Variants in TBC1D32 observed in about 807,000 individuals in gnomAD.
TBC1D32 encodes TBC1 domain family member 32, also known as protein broad-minded.
Under a neutral mutation model 170.3 loss-of-function variants are expected in TBC1D32, and 151 were observed. That is an observed-to-expected ratio of 0.89 (90% CI 0.78 to 1.01). The LOEUF (loss-of-function observed/expected upper bound fraction) is 1.01. Ranked by LOEUF, TBC1D32 falls within the 50% of genes least tolerant of loss-of-function variation. TBC1D32 has a pLI of 0.00. For missense variants in TBC1D32, 1,464 were observed against 1,457.1 expected, an observed-to-expected ratio of 1.00 and a Z score of -0.08; for synonymous variants, 498 against 488.0, an observed-to-expected ratio of 1.02 and a Z score of -0.27.
At chr6:121,237,113 AT>A (rs1796422816) in intron 20 of TBC1D32, 1 of 151,512 alleles carries the variant, frequency 6.6e-6, no homozygotes, top group Non-Finnish European at 1.5e-5. Flanking sequence ...TTATTTTAAA[AT>A]TTCTTTCACT....
chr6:121,124,163 T>A lies in TBC1D32; in HGVS notation c.2983+2215A>T, dbSNP rs185124108. ...TATTAGTGCAATAATCATGTTAGCATCCTTTTCCTTCCATTTTAAAACTCC... is the reference window on the plus strand; with the variant it reads ...TATTAGTGCAATAATCATGTTAGCAACCTTTTCCTTCCATTTTAAAACTCC... On this transcript the variant is annotated intron_variant, in intron 26 of 31. Coordinates refer to ENST00000398212, the MANE Select transcript of TBC1D32 (RefSeq NM_152730.6). Among the ~76,000 whole-genome samples the A allele has an allele frequency of 1.7e-4, 26 of 152,200 alleles. 2 individuals are homozygous for A. The East Asian group carries it at 4.8e-3, about 28-fold the overall frequency.
At chr6:121,192,179 T>C (rs1000946721) in intron 22 of TBC1D32, among the ~76,000 whole-genome samples, 3 of 151,590 alleles carry the variant, frequency 2.0e-5, no homozygotes, top group Non-Finnish European at 4.4e-5. Flanking sequence ...TGTTCTTTCA[T>C]TGGTTTTGGG....
At chr6:121,332,020 A>G (rs1358367525) in intron 1 of TBC1D32, among the ~76,000 whole-genome samples, 2 of 152,228 alleles carry the variant, frequency 1.3e-5, no homozygotes, top group Non-Finnish European at 2.9e-5. Context: ...AAATCTCTTT[A>G]GTAAATAGTA....
intron 24 of TBC1D32, among the ~76,000 whole-genome samples, chr6:121,133,717 C>G (rs1452084775): frequency 6.6e-6 from 1 of 152,186 alleles, no homozygotes; most frequent in East Asian, 1.9e-4. Context: ...ACACCAAACA[C>G]ATGTGGACTC....
chr6:121,102,859 C>G (rs113917503), intron 30 of TBC1D32, among the ~76,000 whole-genome samples: 2,188 of 152,228 alleles, frequency 0.014, 14 homozygotes, highest in Middle Eastern at 0.031. Flanking sequence ...GGGCTAATAT[C>G]CAGAATCTAC....
intron 1 of TBC1D32, among the ~76,000 whole-genome samples, chr6:121,328,408 A>C (rs1243348230): frequency 6.6e-6 from 1 of 150,832 alleles, no homozygotes; most frequent in Non-Finnish European, 1.5e-5. Context: ...GCCTCAGCCT[A>C]CCGAGTAGCG....
intron 31 of TBC1D32, among the ~76,000 whole-genome samples, chr6:121,085,276 CGTAT>C (rs1299403796): frequency 0.014 from 1,659 of 116,712 alleles, 44 homozygotes; most frequent in African/African-American, 0.071. Flanking sequence ...TACATATATA[CGTAT>C]ATATATACAT....
intron 21 of TBC1D32, among the ~76,000 whole-genome samples, chr6:121,211,316 C>T (rs905811719): frequency 6.6e-6 from 1 of 152,064 alleles, no homozygotes; most frequent in African/African-American, 2.4e-5. Flanking sequence ...TTTAAAATTT[C>T]TAAACAGTTG....
At chr6:121,201,755 A>T (rs1186629089) in intron 22 of TBC1D32, among the ~76,000 whole-genome samples, 2 of 151,100 alleles carry the variant, frequency 1.3e-5, no homozygotes, top group Non-Finnish European at 1.5e-5. Flanking sequence ...TTCTGTCTGT[A>T]TATGTACAGA....
intron 31 of TBC1D32, among the ~76,000 whole-genome samples, chr6:121,085,360 C>CAT (rs942679928): frequency 9.1e-6 from 1 of 110,330 alleles, no homozygotes; most frequent in Non-Finnish European, 1.6e-5. Flanking sequence ...CATATATATA[C>CAT]ATATATATAT....
At chr6:121,168,641 A>G (rs1786452800) in intron 22 of TBC1D32, among the ~76,000 whole-genome samples, 1 of 129,568 alleles carries the variant, frequency 7.7e-6, no homozygotes, top group African/African-American at 2.8e-5. Flanking sequence ...GCAGCGCACC[A>G]GCATGGCACA....
At chr6:121,304,860 A>C in intron 5 of TBC1D32, 27 bp from the exon 6 acceptor site, 1 of 1,470,486 alleles carries the variant, frequency 6.8e-7, no homozygotes, top group Non-Finnish European at 9.4e-7. Context: ...GAAAATTTGC[A>C]TCTAAGATCT....
intron 30 of TBC1D32, among the ~76,000 whole-genome samples, chr6:121,094,984 T>A (rs973267633): frequency 6.6e-6 from 1 of 152,134 alleles, no homozygotes; most frequent in Admixed American, 6.6e-5. Flanking sequence ...CATTTATATG[T>A]CTCAAAAATA....
chr6:121,091,910 G>A (rs1223160581), intron 30 of TBC1D32, among the ~76,000 whole-genome samples: 1 of 152,124 alleles, frequency 6.6e-6, no homozygotes, highest in Admixed American at 6.6e-5. Context: ...GGGAAATACA[G>A]TCACAAAGAC....
chr6:121,290,885 C>A (rs1804735022), intron 12 of TBC1D32, among the ~76,000 whole-genome samples: 1 of 152,068 alleles, frequency 6.6e-6, no homozygotes, highest in South Asian at 2.1e-4. Context: ...TCATTCTCTG[C>A]AAACTATCTC....
At chr6:121,220,640 CTTT>C (rs923251281) in intron 21 of TBC1D32, among the ~76,000 whole-genome samples, 1 of 126,202 alleles carries the variant, frequency 7.9e-6, no homozygotes, top group Non-Finnish European at 1.6e-5. Context: ...TTTTCTTTTT[CTTT>C]TTTTTTTTTT....
chr6:121,099,144 T>C (rs1219340385), intron 30 of TBC1D32, among the ~76,000 whole-genome samples: 2 of 151,954 alleles, frequency 1.3e-5, no homozygotes, highest in Non-Finnish European at 1.5e-5. Context: ...GGGGATTATC[T>C]GTGTTAGCCT....
chr6:121,180,413 G>A (rs907874739), intron 22 of TBC1D32, among the ~76,000 whole-genome samples: 4 of 151,910 alleles, frequency 2.6e-5, no homozygotes, highest in African/African-American at 9.7e-5. Flanking sequence ...ACAGACCAAC[G>A]GAACAGAATG....
chr6:121,326,685 A>G (rs114704118), intron 1 of TBC1D32, among the ~76,000 whole-genome samples: 1,611 of 152,192 alleles, frequency 0.011, 30 homozygotes, highest in African/African-American at 0.037. Flanking sequence ...GTTTTAGTCC[A>G]AGTTCTAAAT....
Sources: gnomAD v4.1 joint callset for allele counts (sites outside exome capture counted in the v4.1 genomes callset) on GRCh38, gnomAD v4.1.1 for gene constraint, MANE v1.5 for transcripts, NCBI Gene and HGNC (gene_info 2026-07-23, HGNC 2026-07-21) for gene names.